KRABD5: variants seen among roughly 807,000 people sequenced by gnomAD.
KRABD5 encodes KRAB domain-containing protein 5.
chr16:31,744,562 TG>T, the KRABD5 span, among the ~76,000 whole-genome samples: 1 of 152,084 alleles, frequency 6.6e-6, no homozygotes, highest in Admixed American at 6.6e-5. Context: ...CAATGTTCAT[TG>T]GGGTATTAGC....
At chr16:31,750,289 G>A in the KRABD5 span, among the ~76,000 whole-genome samples, 10 of 152,016 alleles carry the variant, frequency 6.6e-5, no homozygotes, top group East Asian at 1.9e-3. Context: ...TTTTTTCTTT[G>A]TGTGTGTGGC....
chr16:31,745,501 C>T, the KRABD5 span, among the ~76,000 whole-genome samples: 1 of 151,986 alleles, frequency 6.6e-6, no homozygotes, highest in Admixed American at 6.6e-5. Context: ...GTTATGATTT[C>T]AGTTATTTTG....
chr16:31,755,539 A>G, the KRABD5 span: 1 of 461,890 alleles, frequency 2.2e-6, no homozygotes, highest in Admixed American at 2.4e-5. Flanking sequence ...CTCATACTGG[A>G]ATGAAACCAT....
chr16:31,728,739 T>C, the KRABD5 span, among the ~76,000 whole-genome samples: 3 of 152,222 alleles, frequency 2.0e-5, no homozygotes, highest in Non-Finnish European at 4.4e-5. Context: ...TCCTGGAGAA[T>C]ATTTCATGTA....
At chr16:31,760,521 C>T in the KRABD5 span, 1 of 130,506 alleles carries the variant, frequency 7.7e-6, no homozygotes. Context: ...GTGAGACCCA[C>T]TGTTTCAGGG....
chr16:31,733,160 C>CTACG, the KRABD5 span, among the ~76,000 whole-genome samples: 1 of 152,070 alleles, frequency 6.6e-6, no homozygotes, highest in Non-Finnish European at 1.5e-5. Flanking sequence ...TTATAAAATA[C>CTACG]TACGTGTTAT....
At chr16:31,740,470 T>C in the KRABD5 span, among the ~76,000 whole-genome samples, 40 of 152,156 alleles carry the variant, frequency 2.6e-4, no homozygotes, top group South Asian at 1.0e-3. Flanking sequence ...TGTCTTCTTT[T>C]GTTAATTTGT....
At chr16:31,724,532 C>CA in the KRABD5 span, among the ~76,000 whole-genome samples, 15 of 146,436 alleles carry the variant, frequency 1.0e-4, no homozygotes, top group South Asian at 8.7e-4. Context: ...CTAAAAAATA[C>CA]AAAAAAAAAA....
chr16:31,759,813 C>G, the KRABD5 span: 1 of 159,376 alleles, frequency 6.3e-6, no homozygotes, highest in Non-Finnish European at 1.4e-5. Flanking sequence ...TGTAAATTAT[C>G]TGTTATAATC....
chr16:31,731,911 C>T, the KRABD5 span, among the ~76,000 whole-genome samples: 2 of 152,164 alleles, frequency 1.3e-5, no homozygotes, highest in Admixed American at 1.3e-4. Flanking sequence ...TCTGTGTGGA[C>T]AGGATTTTTT....
At chr16:31,745,894 A>T in the KRABD5 span, among the ~76,000 whole-genome samples, 1 of 150,800 alleles carries the variant, frequency 6.6e-6, no homozygotes, top group East Asian at 1.9e-4. Flanking sequence ...GCTTGTTTTG[A>T]TATTTGTTGG....
the KRABD5 span, among the ~76,000 whole-genome samples, chr16:31,717,960 G>A: frequency 6.6e-6 from 1 of 152,136 alleles, no homozygotes; most frequent in East Asian, 1.9e-4. Context: ...CAGGGCATCA[G>A]TTAGCCATTC....
chr16:31,714,099 C>T, the KRABD5 span, among the ~76,000 whole-genome samples: 1 of 152,306 alleles, frequency 6.6e-6, no homozygotes, highest in East Asian at 1.9e-4. Flanking sequence ...GGATTTGTGA[C>T]AGTGGATATC....
chr16:31,760,648 C>T, the KRABD5 span: 1 of 151,890 alleles, frequency 6.6e-6, no homozygotes, highest in East Asian at 1.9e-4. Flanking sequence ...CTCTACAGAT[C>T]TATTTTTTAT....
the KRABD5 span, chr16:31,755,023 A>G: frequency 1.1e-5 from 5 of 473,800 alleles, no homozygotes; most frequent in Middle Eastern, 3.3e-4. Flanking sequence ...TGCATCAGAG[A>G]ATTCATACTG....
chr16:31,722,886 T>C, the KRABD5 span: 5 of 856,866 alleles, frequency 5.8e-6, no homozygotes, highest in African/African-American at 1.9e-5. Flanking sequence ...GAAAAAAAAA[T>C]TGTGGGTTTG....
chr16:31,727,850 T>G, the KRABD5 span, among the ~76,000 whole-genome samples: 2 of 152,154 alleles, frequency 1.3e-5, no homozygotes, highest in Non-Finnish European at 2.9e-5. Context: ...CATCCTTCTT[T>G]CTTTTATGTA....
the KRABD5 span, chr16:31,713,327 A>G: frequency 3.3e-6 from 5 of 1,508,572 alleles, no homozygotes; most frequent in Non-Finnish European, 4.5e-6. Flanking sequence ...CTGGGAGGCC[A>G]AGGCGGCTTC....
At chr16:31,749,508 A>G in the KRABD5 span, among the ~76,000 whole-genome samples, 1 of 152,220 alleles carries the variant, frequency 6.6e-6, no homozygotes, top group Admixed American at 6.5e-5. Flanking sequence ...CTGTAGGCTT[A>G]AGCAGATTCC....
Sources: gnomAD v4.1 joint callset for allele counts (sites outside exome capture counted in the v4.1 genomes callset) on GRCh38, gnomAD v4.1.1 for gene constraint, MANE v1.5 for transcripts, NCBI Gene and HGNC (gene_info 2026-07-23, HGNC 2026-07-21) for gene names.